The following SSBP2 variants were observed in gnomAD, a reference collection of about 807,000 sequenced individuals.
SSBP2 encodes single stranded DNA binding protein 2, also known as single-stranded DNA-binding protein 2.
In SSBP2, 17 loss-of-function variants were observed where a neutral mutation model predicts 61.8. The observed-to-expected ratio is 0.28, with a 90% CI of 0.19 to 0.41. The LOEUF (loss-of-function observed/expected upper bound fraction) is 0.41, where lower values mean the gene tolerates loss of function less well. Ranked by LOEUF, SSBP2 falls within the 10% of genes least tolerant of loss-of-function variation. The pLI is 1.00. For missense variants in SSBP2, 310 were observed against 458.7 expected (o/e 0.68, Z 2.96); for synonymous variants, 139 against 141.3 (o/e 0.98, Z 0.12).
chr5:81,430,764 A>G (rs955147597), intron 15 of SSBP2, among the ~76,000 whole-genome samples: 4 of 152,130 alleles, frequency 2.6e-5, no homozygotes, highest in African/African-American at 9.7e-5. Context: ...ATTTAAGGAC[A>G]CTAACAGGAA....
At chr5:81,525,009 T>A (rs1192958430) in intron 4 of SSBP2, among the ~76,000 whole-genome samples, 3 of 151,974 alleles carry the variant, frequency 2.0e-5, no homozygotes, top group East Asian at 1.9e-4. Context: ...ACCATTCATA[T>A]CAACTTGCTG....
chr5:81,679,826 G>C (rs1028288040), intron 1 of SSBP2, among the ~76,000 whole-genome samples: 1 of 152,022 alleles, frequency 6.6e-6, no homozygotes, highest in Non-Finnish European at 1.5e-5. Flanking sequence ...TACATTTCTG[G>C]TTATGTCTAT....
chr5:81,514,596 A>G lies in SSBP2; in HGVS notation c.283-879T>C, dbSNP rs1222467903. Among the ~76,000 whole-genome samples, 3 of 152,064 alleles carry G rather than the reference A, an allele frequency of 2.0e-5. No individual in the cohort carries two copies. The South Asian group carries it at 6.2e-4, about 31-fold the overall frequency. ...AGAAGGGATCAGAAATATGCTGAAGATAGATCAGTTTGAATTGAACAGTTC... is the reference window on the plus strand; with the variant it reads ...AGAAGGGATCAGAAATATGCTGAAGGTAGATCAGTTTGAATTGAACAGTTC... On this transcript the variant is annotated intron_variant, in intron 4 of 16. Transcript: ENST00000320672.
intron 6 of SSBP2, among the ~76,000 whole-genome samples, chr5:81,482,574 C>G (rs770228730): frequency 6.6e-6 from 1 of 152,174 alleles, no homozygotes; most frequent in South Asian, 2.1e-4. Flanking sequence ...CTCTGCCCGC[C>G]GCCCTCAGGC....
chr5:81,658,649 A>G (rs949717184), intron 1 of SSBP2, among the ~76,000 whole-genome samples: 22 of 152,158 alleles, frequency 1.4e-4, no homozygotes, highest in Non-Finnish European at 7.4e-5. Context: ...TATAAGTGAG[A>G]TTATATAGTA....
At chr5:81,639,940 A>G (rs1748621072) in intron 2 of SSBP2, among the ~76,000 whole-genome samples, 1 of 152,262 alleles carries the variant, frequency 6.6e-6, no homozygotes, top group African/African-American at 2.4e-5. Flanking sequence ...AGTGTCATTA[A>G]AATCACTGAA....
intron 10 of SSBP2, among the ~76,000 whole-genome samples, chr5:81,452,263 T>G (rs1374991705): frequency 1.3e-5 from 2 of 152,190 alleles, no homozygotes; most frequent in Non-Finnish European, 2.9e-5. Flanking sequence ...TAGAGACATG[T>G]TCAAATGTAT....
intron 10 of SSBP2, among the ~76,000 whole-genome samples, chr5:81,452,554 C>A (rs1172616787): frequency 6.6e-6 from 1 of 152,166 alleles, no homozygotes. Flanking sequence ...TGAAGATAAG[C>A]AAGAGTAGGA....
At chr5:81,437,999 T>C (rs1229153491) in intron 14 of SSBP2, among the ~76,000 whole-genome samples, 3 of 152,168 alleles carry the variant, frequency 2.0e-5, no homozygotes, top group African/African-American at 4.8e-5. Context: ...TTAAATATTA[T>C]ATTTTTATTT....
intron 4 of SSBP2, among the ~76,000 whole-genome samples, chr5:81,567,639 T>C (rs936095292): frequency 5.9e-5 from 9 of 152,126 alleles, no homozygotes; most frequent in Non-Finnish European, 8.8e-5. Flanking sequence ...CCCAGCATGG[T>C]AGATCCACCC....
intron 1 of SSBP2, among the ~76,000 whole-genome samples, chr5:81,721,839 A>T (rs559038943): frequency 1.3e-5 from 2 of 152,148 alleles, no homozygotes; most frequent in South Asian, 4.1e-4. Context: ...AAAATCTCCA[A>T]GTTCACTGAT....
chr5:81,674,568 C>A (rs1310969905), intron 1 of SSBP2, among the ~76,000 whole-genome samples: 1 of 152,114 alleles, frequency 6.6e-6, no homozygotes, highest in Non-Finnish European at 1.5e-5. Flanking sequence ...TAAAACTTTT[C>A]TCTAAAATAT....
At chr5:81,704,666 C>T (rs366844) in intron 1 of SSBP2, among the ~76,000 whole-genome samples, 45 of 151,736 alleles carry the variant, frequency 3.0e-4, no homozygotes, top group African/African-American at 9.7e-4. Flanking sequence ...CGTAGTGGCG[C>T]GCACCTTTAG....
At chr5:81,601,066 G>A (rs976228004) in intron 4 of SSBP2, among the ~76,000 whole-genome samples, 2 of 152,084 alleles carry the variant, frequency 1.3e-5, no homozygotes, top group African/African-American at 2.4e-5. Flanking sequence ...GAACAGCAGC[G>A]AAAAATAGTA....
chr5:81,722,402 T>G (rs1056436648), intron 1 of SSBP2, among the ~76,000 whole-genome samples: 16 of 151,636 alleles, frequency 1.1e-4, no homozygotes, highest in African/African-American at 3.4e-4. Flanking sequence ...ATTTTGTTTT[T>G]TTTTTTTTTC....
chr5:81,530,684 T>C (rs1456819587), intron 4 of SSBP2, among the ~76,000 whole-genome samples: 2 of 152,070 alleles, frequency 1.3e-5, no homozygotes, highest in African/African-American at 2.4e-5. Flanking sequence ...GTGTACATAT[T>C]ATAATCTTTT....
chr5:81,726,822 C>T (rs1755919195), intron 1 of SSBP2, among the ~76,000 whole-genome samples: 2 of 152,166 alleles, frequency 1.3e-5, no homozygotes, highest in South Asian at 2.1e-4. Flanking sequence ...TCATCCTACA[C>T]GGTCCAGTAT....
rs772511736 is a variant in SSBP2, at chr5:81,466,952, TATATG to T, written c.638+17_638+21del. On this transcript the variant is annotated intron_variant, in intron 9 of 16. Transcript: ENST00000320672. Reference sequence around the variant, plus strand: ...AAATATCATCCACGTAATAATGTAGTATATGATATAACATTGCTTACATGTTCATT... The same window carrying T: ...AAATATCATCCACGTAATAATGTAGTATATAACATTGCTTACATGTTCATT... 19 of 1,432,360 alleles carry T rather than the reference TATATG, an allele frequency of 1.3e-5. No individual in the cohort carries two copies. The highest frequency in any genetic ancestry group is 7.2e-5 in the South Asian group (6 of 83,878). 88.7% of individuals were successfully genotyped at this position (1,432,360 alleles called of 1,614,324 possible).
intron 1 of SSBP2, among the ~76,000 whole-genome samples, chr5:81,677,072 T>C (rs1167348930): frequency 6.6e-6 from 1 of 152,184 alleles, no homozygotes; most frequent in African/African-American, 2.4e-5. Context: ...AAGTTTACTT[T>C]AGTCTCAGAA....
Sources: gnomAD v4.1 joint callset for allele counts (sites outside exome capture counted in the v4.1 genomes callset) on GRCh38, gnomAD v4.1.1 for gene constraint, MANE v1.5 for transcripts, NCBI Gene and HGNC (gene_info 2026-07-23, HGNC 2026-07-21) for gene names.